KIF26B: variants seen among roughly 807,000 people sequenced by gnomAD.
KIF26B encodes the protein kinesin-like protein KIF26B.
KIF26B carries 63 observed loss-of-function variants against 151.2 expected under a neutral mutation model. The ratio of observed to expected loss-of-function variants is 0.42; its 90% CI spans 0.34 to 0.51. The LOEUF (loss-of-function observed/expected upper bound fraction) is 0.51, where lower values mean the gene tolerates loss of function less well. KIF26B is among the 20% of genes least tolerant of loss of function. KIF26B has a pLI of 0.07. For missense variants in KIF26B, 2,813 were observed against 2,913.6 expected (o/e 0.97, Z 0.79); for synonymous variants, 1,357 against 1,262.1 (o/e 1.08, Z -1.59).
chr1:245,366,315 G>C (rs375073741), intron 2 of KIF26B, among the ~76,000 whole-genome samples: 1 of 152,066 alleles, frequency 6.6e-6, no homozygotes, highest in Non-Finnish European at 1.5e-5. Context: ...GGTGGATCAC[G>C]AGGTCAGGAG....
intron 5 of KIF26B, among the ~76,000 whole-genome samples, chr1:245,550,594 G>A (rs1318407752): frequency 6.6e-6 from 1 of 152,252 alleles, no homozygotes; most frequent in Non-Finnish European, 1.5e-5. Context: ...AGGCCAGCCT[G>A]GGGCAAAAGG....
chr1:245,506,054 TA>T (rs1310119739), intron 4 of KIF26B, among the ~76,000 whole-genome samples: 2 of 152,358 alleles, frequency 1.3e-5, no homozygotes, highest in African/African-American at 4.8e-5. Context: ...TACATACATA[TA>T]TTTTTACATC....
chr1:245,345,934 TC>T (rs201770473), intron 2 of KIF26B, among the ~76,000 whole-genome samples: 8,126 of 145,850 alleles, frequency 0.056, 903 homozygotes, highest in African/African-American at 0.2. Context: ...TTTCTTTCTT[TC>T]TTTTTTTTTT....
intron 2 of KIF26B, among the ~76,000 whole-genome samples, chr1:245,316,696 C>T (rs1384265121): frequency 2.0e-5 from 3 of 152,190 alleles, no homozygotes; most frequent in African/African-American, 7.2e-5. Flanking sequence ...ACACATCTCA[C>T]CACCCAGTAG....
intron 2 of KIF26B, among the ~76,000 whole-genome samples, chr1:245,180,804 G>T (rs1352185210): frequency 6.6e-6 from 1 of 152,144 alleles, no homozygotes; most frequent in Non-Finnish European, 1.5e-5. Flanking sequence ...AGGATTTGGG[G>T]TCCTTCTAGA....
In KIF26B at chr1:245,358,518, TCAAAA is replaced by T. The variant is rs201196844; in HGVS notation, c.466-8293_466-8289del. On this transcript the variant is annotated intron_variant, in intron 2 of 14. Coordinates refer to ENST00000407071, the MANE Select transcript of KIF26B (RefSeq NM_018012.4). This position sits in a 1 kb window ranked among gnomAD's most constrained non-coding sequence, Gnocchi z 4.1. ...CTGGGCTACAGAGTGAGACTCCGTC[TCAAAA>T]CAAAACAAAACAAAACAAAACAGCC... Among the ~76,000 whole-genome samples the T allele has an allele frequency of 0.032, 4,938 of 152,148 alleles. 249 individuals are homozygous for T. Among genetic ancestry groups the T allele is most frequent in the African/African-American group, 0.11 (4,638 of 41,458 alleles).
At chr1:245,369,180 A>AGG (rs1673039262) in intron 3 of KIF26B, among the ~76,000 whole-genome samples, 2 of 127,168 alleles carry the variant, frequency 1.6e-5, no homozygotes, top group African/African-American at 7.2e-5. Context: ...AGAGAGAGAG[A>AGG]GAGAGAGAGA....
At chr1:245,242,923 T>G (rs919863363) in intron 2 of KIF26B, among the ~76,000 whole-genome samples, 1 of 144,950 alleles carries the variant, frequency 6.9e-6, no homozygotes, top group Non-Finnish European at 1.5e-5. Context: ...GTGCTGGGAT[T>G]ACAGGCATGA....
chr1:245,156,856 G>A (rs565817636), intron 2 of KIF26B, among the ~76,000 whole-genome samples, 173 bp downstream of exon 2: 1 of 152,290 alleles, frequency 6.6e-6, no homozygotes, highest in Admixed American at 6.5e-5. Context: ...GGCGACCCAT[G>A]CCCCTTCCTC....
intron 10 of KIF26B, among the ~76,000 whole-genome samples, chr1:245,676,659 A>G (rs932884379): frequency 6.6e-6 from 1 of 152,212 alleles, no homozygotes; most frequent in South Asian, 2.1e-4. Flanking sequence ...AATTTCATCC[A>G]GACTTCATCC....
chr1:245,163,521 T>A (rs915488205), intron 2 of KIF26B, among the ~76,000 whole-genome samples: 13 of 152,322 alleles, frequency 8.5e-5, no homozygotes, highest in African/African-American at 3.1e-4. Context: ...AAATAGTGCC[T>A]TTCTTTTCTA....
intron 2 of KIF26B, among the ~76,000 whole-genome samples, chr1:245,337,473 C>T (rs899243416): frequency 1.1e-4 from 16 of 152,014 alleles, no homozygotes; most frequent in East Asian, 7.7e-4. Context: ...TGAGCCACCA[C>T]GCCTGGCCAT....
chr1:245,533,120 G>C (rs1399568577), intron 4 of KIF26B, among the ~76,000 whole-genome samples: 1 of 152,110 alleles, frequency 6.6e-6, no homozygotes, highest in Non-Finnish European at 1.5e-5. Context: ...GGGCTGCTGT[G>C]ATCTGTCTTG....
intron 3 of KIF26B, among the ~76,000 whole-genome samples, chr1:245,396,873 A>G (rs941266693): frequency 6.6e-6 from 1 of 151,618 alleles, no homozygotes; most frequent in African/African-American, 2.4e-5. Context: ...TTCCCTATGC[A>G]CCTCCGTGCC....
At chr1:245,460,679 T>C (rs1659626839) in intron 4 of KIF26B, among the ~76,000 whole-genome samples, 1 of 152,246 alleles carries the variant, frequency 6.6e-6, no homozygotes, top group Admixed American at 6.5e-5. Context: ...AATGCAACGA[T>C]GACAGATGCC....
intron 4 of KIF26B, among the ~76,000 whole-genome samples, chr1:245,465,763 A>T (rs1333684782): frequency 6.6e-6 from 1 of 152,134 alleles, no homozygotes; most frequent in Non-Finnish European, 1.5e-5. Flanking sequence ...GCCGCTGGGG[A>T]GGCCTGAGGG....
chr1:245,428,743 T>C lies in KIF26B; in HGVS notation c.1166+8998T>C, dbSNP rs540481633. On this transcript the variant is annotated intron_variant, in intron 4 of 14. Transcript: ENST00000407071. The stretch of plus-strand genomic sequence containing the variant: ...AGCATTTTCTGATTAAACAAGTCCT[T>C]TGTCTGACTGGCGGCCGGTTGGGGT... Among the ~76,000 whole-genome samples the C allele has an allele frequency of 3.9e-5, 6 of 152,212 alleles. No homozygotes were observed. The South Asian group carries it at 1.2e-3, about 32-fold the overall frequency.
chr1:245,612,185 C>G (rs1422966118), intron 9 of KIF26B, among the ~76,000 whole-genome samples: 3 of 151,900 alleles, frequency 2.0e-5, no homozygotes, highest in African/African-American at 4.8e-5. Context: ...TCACAGCTCA[C>G]TGCAGCCTCA....
At chr1:245,649,686 C>G (rs1248758109) in intron 10 of KIF26B, among the ~76,000 whole-genome samples, 1 of 152,108 alleles carries the variant, frequency 6.6e-6, no homozygotes, top group Middle Eastern at 3.4e-3. Context: ...TCCCCCACCC[C>G]CCCCAAAAAA....
Sources: allele counts gnomAD v4.1 joint callset (sites outside exome capture counted in the v4.1 genomes callset), GRCh38; gene constraint gnomAD v4.1.1; non-coding constraint Gnocchi (gnomAD v3.1); transcripts MANE v1.5; gene names NCBI Gene and HGNC (gene_info 2026-07-23, HGNC 2026-07-21).